The following MACROD2 variants were observed in gnomAD, a reference collection of about 807,000 sequenced individuals.
The protein encoded by MACROD2 is mono-ADP ribosylhydrolase 2.
A neutral mutation model predicts 70.4 loss-of-function variants in MACROD2; 36 were observed. That is an observed-to-expected ratio of 0.51 (90% confidence interval 0.39 to 0.68). MACROD2 has a LOEUF of 0.68. MACROD2 is among the 30% of genes least tolerant of loss of function. The pLI is 0.00. For synonymous variants in MACROD2, 172 were observed against 178.8 expected (o/e 0.96, Z 0.30); for missense variants, 496 against 538.4 (o/e 0.92, Z 0.78).
intron 15 of MACROD2, among the ~76,000 whole-genome samples, chr20:16,037,832 G>T (rs1034984653): frequency 6.6e-6 from 1 of 151,630 alleles, no homozygotes; most frequent in African/African-American, 2.4e-5. Flanking sequence ...CTCTCCCTTA[G>T]CATGTTTTGA....
At chr20:15,456,452 C>A (rs1313794017) in intron 7 of MACROD2, among the ~76,000 whole-genome samples, 1 of 152,188 alleles carries the variant, frequency 6.6e-6, no homozygotes, top group South Asian at 2.1e-4. Context: ...GCCTTCACTG[C>A]ATTCAGGCAC....
chr20:15,760,302 C>T (rs6131696), intron 8 of MACROD2, among the ~76,000 whole-genome samples: 4,697 of 152,252 alleles, frequency 0.031, 342 homozygotes, highest in East Asian at 0.29. Context: ...CAGCCACTTA[C>T]GCAAAGGGAA....
chr20:15,915,286 A>G (rs1319742087), intron 10 of MACROD2, among the ~76,000 whole-genome samples: 1 of 152,124 alleles, frequency 6.6e-6, no homozygotes, highest in African/African-American at 2.4e-5. Flanking sequence ...CCCTGAAGCT[A>G]TCGAGGGGCC....
intron 8 of MACROD2, among the ~76,000 whole-genome samples, chr20:15,568,435 C>G (rs6110681): frequency 0.17 from 25,265 of 152,208 alleles, 2,605 homozygotes; most frequent in Middle Eastern, 0.28. Context: ...TGCTCTTACC[C>G]TATGTCTAAC....
At chr20:14,010,763 C>T (rs2052891218) in intron 2 of MACROD2, among the ~76,000 whole-genome samples, 1 of 152,040 alleles carries the variant, frequency 6.6e-6, no homozygotes, top group African/African-American at 2.4e-5. Context: ...TCTTGAATTT[C>T]TCCAGGATCT....
At chr20:14,648,968 G>A (rs1256387709) in intron 4 of MACROD2, among the ~76,000 whole-genome samples, 2 of 152,058 alleles carry the variant, frequency 1.3e-5, no homozygotes, top group Non-Finnish European at 2.9e-5. Context: ...CAAGTGCTAC[G>A]TGCAATAGGC....
intron 3 of MACROD2, among the ~76,000 whole-genome samples, chr20:14,374,300 T>G (rs1443799472): frequency 1.3e-5 from 2 of 152,126 alleles, no homozygotes; most frequent in African/African-American, 4.8e-5. Flanking sequence ...TGACCTTAAT[T>G]CCCAGGAAAC....
intron 8 of MACROD2, among the ~76,000 whole-genome samples, chr20:15,859,244 T>C (rs959074170): frequency 2.6e-5 from 4 of 152,016 alleles, no homozygotes; most frequent in Admixed American, 2.0e-4. Flanking sequence ...AGGTATACTT[T>C]CTCAGGGGTG....
chr20:14,491,402 G>T (rs1169779115), intron 3 of MACROD2, among the ~76,000 whole-genome samples: 1 of 152,126 alleles, frequency 6.6e-6, no homozygotes, highest in Non-Finnish European at 1.5e-5. Flanking sequence ...TTTAAATTAA[G>T]ATTCTATTAC....
intron 5 of MACROD2, among the ~76,000 whole-genome samples, chr20:14,825,858 G>T (rs2072896097): frequency 6.6e-6 from 1 of 152,122 alleles, no homozygotes; most frequent in Non-Finnish European, 1.5e-5. Flanking sequence ...ATGGATTATA[G>T]GTTTTCGAAT....
chr20:15,377,845 G>A (rs951463867), intron 6 of MACROD2, among the ~76,000 whole-genome samples: 11 of 152,318 alleles, frequency 7.2e-5, no homozygotes, highest in African/African-American at 2.6e-4. Context: ...ACGAGAACAG[G>A]AAGATTGGAG....
At chr20:15,316,669 C>A (rs757011053) in intron 6 of MACROD2, among the ~76,000 whole-genome samples, 4 of 152,006 alleles carry the variant, frequency 2.6e-5, no homozygotes, top group Non-Finnish European at 5.9e-5. Flanking sequence ...ACATAGAGAA[C>A]TTGAATAGCA....
intron 6 of MACROD2, among the ~76,000 whole-genome samples, chr20:15,253,980 C>T (rs2077177307): frequency 6.6e-6 from 1 of 152,120 alleles, no homozygotes; most frequent in African/African-American, 2.4e-5. Flanking sequence ...ATGCTGTCCC[C>T]CATCCTGTAT....
intron 3 of MACROD2, among the ~76,000 whole-genome samples, chr20:14,178,498 T>C (rs56256263): frequency 8.5e-5 from 13 of 152,182 alleles, no homozygotes; most frequent in African/African-American, 3.1e-4. Context: ...AAAGTACTTT[T>C]GTGTTCTGCT....
chr20:15,854,328 T>C (rs973347679), intron 8 of MACROD2, among the ~76,000 whole-genome samples: 7 of 152,078 alleles, frequency 4.6e-5, no homozygotes, highest in African/African-American at 1.4e-4. Flanking sequence ...GGGGACCATA[T>C]GGCAAGGAAA....
In MACROD2 at chr20:15,494,763, G is replaced by A. The variant is rs1233684798; in HGVS notation, c.572-5011G>A. ...TGTGTGTGTGTGTGTGTGTGTGTGTGCGCGTGTGTGTGTGCGCGCGTGTGT... is the reference window on the plus strand; with the variant it reads ...TGTGTGTGTGTGTGTGTGTGTGTGTACGCGTGTGTGTGTGCGCGCGTGTGT... On this transcript the variant is annotated intron_variant, in intron 7 of 17. Coordinates refer to ENST00000684519, the MANE Select transcript of MACROD2 (RefSeq NM_001351661.2). 7.3e-5 allele frequency among the ~76,000 whole-genome samples: 2 copies of A among 27,354 alleles called. 1 individual carries two copies. Among genetic ancestry groups the A allele is most frequent in the East Asian group, 3.4e-3 (2 of 586 alleles). 17.9% of individuals were successfully genotyped at this position (27,354 alleles called of 152,430 possible).
chr20:15,280,064 A>C (rs1302849878), intron 6 of MACROD2, among the ~76,000 whole-genome samples: 1 of 152,244 alleles, frequency 6.6e-6, no homozygotes, highest in African/African-American at 2.4e-5. Flanking sequence ...AATCTGAATT[A>C]TATTTGTAAA....
chr20:15,858,848 A>G (rs2064387950), intron 8 of MACROD2, among the ~76,000 whole-genome samples: 1 of 152,182 alleles, frequency 6.6e-6, no homozygotes, highest in South Asian at 2.1e-4. Flanking sequence ...CATCATTTCT[A>G]TCATAGTCAT....
At position 15,105,232 on chromosome 20, in the gene MACROD2, G is replaced by A. The variant is rs147053072; in HGVS notation, c.419-124708G>A. Among the ~76,000 whole-genome samples, 154 of 152,086 alleles carry A rather than the reference G, an allele frequency of 1.0e-3. 1 individual carries two copies. The highest frequency in any genetic ancestry group is 3.2e-3 in the African/African-American group (131 of 41,504). On this transcript the variant is annotated intron_variant, in intron 5 of 17. Coordinates refer to ENST00000684519, the MANE Select transcript of MACROD2 (RefSeq NM_001351661.2). ...CAACTCAGCTTCTCTTCCTTGTCTT[G>A]GCTCTATTTGTAAATGGTTGTCCCT...
Sources: allele counts gnomAD v4.1 joint callset (sites outside exome capture counted in the v4.1 genomes callset), GRCh38; gene constraint gnomAD v4.1.1; transcripts MANE v1.5; gene names NCBI Gene and HGNC (gene_info 2026-07-23, HGNC 2026-07-21).